Variants in NXNL2 observed in about 807,000 individuals in gnomAD.
The protein encoded by NXNL2 is nucleoredoxin like 2.
In NXNL2, 7 loss-of-function variants were observed where a neutral mutation model predicts 11.1. The observed-to-expected ratio is 0.63, with a 90% confidence interval of 0.36 to 1.18. The LOEUF is 1.18. NXNL2 is among the 50% of genes most tolerant of loss of function. The pLI is 0.02. For missense variants in NXNL2, 233 were observed against 217.7 expected (o/e 1.07, Z -0.44); for synonymous variants, 109 against 101.8 (o/e 1.07, Z -0.42).
At chr9:88,554,059 A>G (rs1417679257) in intron 1 of NXNL2, among the ~76,000 whole-genome samples, 1 of 152,148 alleles carries the variant, frequency 6.6e-6, no homozygotes, top group African/African-American at 2.4e-5. Flanking sequence ...CTGGGCTGAC[A>G]TGAAACTCAT....
chr9:88,564,282 CTATTATCT>C (rs1159667660), intron 1 of NXNL2, among the ~76,000 whole-genome samples: 45 of 106,630 alleles, frequency 4.2e-4, no homozygotes, highest in Middle Eastern at 4.8e-3. Context: ...ATCTATCTAT[CTATTATCT>C]ATCTATCTAT....
At chr9:88,572,099 G>A (rs941834063) in intron 2 of NXNL2, among the ~76,000 whole-genome samples, 14 of 152,168 alleles carry the variant, frequency 9.2e-5, no homozygotes, top group African/African-American at 2.9e-4. Context: ...CCTCCAGACA[G>A]AATGCATCTG....
downstream of NXNL2, chr9:88,545,044 A>G (rs1829829311): frequency 4.6e-6 from 1 of 216,638 alleles, no homozygotes; most frequent in African/African-American, 2.3e-5. Flanking sequence ...TCTCTTGACA[A>G]ATACCATGCT....
chr9:88,563,083 T>C (rs1479094861), intron 1 of NXNL2, among the ~76,000 whole-genome samples: 2 of 152,030 alleles, frequency 1.3e-5, no homozygotes. Context: ...CGAGACTCCA[T>C]CTCAAAAATA....
At chr9:88,545,931 G>A (rs11142338), downstream of NXNL2, among the ~76,000 whole-genome samples, 21,021 of 151,424 alleles carry the variant, frequency 0.14, 4,662 homozygotes, top group African/African-American at 0.47. Context: ...CACGCCCAGC[G>A]AATTTTTGTA....
intron 1 of NXNL2, among the ~76,000 whole-genome samples, chr9:88,563,752 G>A (rs1830121750): frequency 6.6e-6 from 1 of 151,998 alleles, no homozygotes; most frequent in African/African-American, 2.4e-5. Flanking sequence ...TCAAGAGCTT[G>A]TGGCTGGCTA....
At chr9:88,537,131 G>A (rs1294581269) in intron 1 of NXNL2, among the ~76,000 whole-genome samples, 10 of 152,200 alleles carry the variant, frequency 6.6e-5, no homozygotes. Flanking sequence ...GATACATCAC[G>A]TGGTTGTTGT....
chr9:88,546,774 T>G (rs1489784991), downstream of NXNL2, among the ~76,000 whole-genome samples: 1 of 152,178 alleles, frequency 6.6e-6, no homozygotes, highest in Admixed American at 6.5e-5. Flanking sequence ...GGCAAAGTAT[T>G]CCAGCCTTCT....
intron 1 of NXNL2, chr9:88,539,860 G>C (rs367665371): frequency 1.3e-5 from 2 of 151,944 alleles, no homozygotes; most frequent in Non-Finnish European, 2.9e-5. Flanking sequence ...GCTAATTTTC[G>C]TATTTTTAGT....
At chr9:88,553,483 C>T (rs1829970405) in intron 1 of NXNL2, among the ~76,000 whole-genome samples, 1 of 152,334 alleles carries the variant, frequency 6.6e-6, no homozygotes, top group South Asian at 2.1e-4. Context: ...TTCTCCTTGT[C>T]TCTGAACTCC....
Position 88,542,708 on chromosome 9 carries a change from AT to A in NXNL2, c.303-1667del, listed in dbSNP as rs200373623. 5.7e-3 allele frequency among the ~76,000 whole-genome samples: 864 copies of A among 152,216 alleles called. 11 individuals are homozygous for A. Among genetic ancestry groups the A allele is most frequent in the African/African-American group, 0.02 (820 of 41,538 alleles). On this transcript the variant is annotated intron_variant, in intron 1 of 1. Coordinates refer to ENST00000375854, the MANE Select transcript of NXNL2 (RefSeq NM_001161625.2). ...CCTTTGTGACTTGAGAACATGATTG[AT>A]TTTGTCACTGCTTCATAGATGTTTG...
chr9:88,540,159 T>C (rs1320142393), intron 1 of NXNL2, among the ~76,000 whole-genome samples: 1 of 151,884 alleles, frequency 6.6e-6, no homozygotes, highest in East Asian at 2.0e-4. Context: ...GGTGAAACCC[T>C]GTCTCTACTA....
At chr9:88,575,598 G>C (rs1830338953) in exon 3 of NXNL2, 2 of 152,200 alleles carry the variant, frequency 1.3e-5, no homozygotes, top group Admixed American at 1.3e-4. Flanking sequence ...TTGGTTACCA[G>C]AAGCTGGAAA....
At chr9:88,576,833 A>G (rs1330977848), downstream of NXNL2, among the ~76,000 whole-genome samples, 1 of 152,126 alleles carries the variant, frequency 6.6e-6, no homozygotes, top group African/African-American at 2.4e-5. Context: ...AGCACCAGAC[A>G]CAGCCCCTGC....
chr9:88,583,867 A>C (rs1431019121), intron 1 of NXNL2: 3 of 152,234 alleles, frequency 2.0e-5, no homozygotes. Flanking sequence ...ACTTGTCTGC[A>C]AGCCAGGAAG....
chr9:88,550,502 T>TGTA (rs1829915877), intron 1 of NXNL2, among the ~76,000 whole-genome samples: 2 of 152,182 alleles, frequency 1.3e-5, no homozygotes, highest in African/African-American at 4.8e-5. Flanking sequence ...AGAGGTTACA[T>TGTA]GCAAAGTAAT....
chr9:88,574,482 C>T (rs551005324), intron 2 of NXNL2, among the ~76,000 whole-genome samples: 1 of 152,092 alleles, frequency 6.6e-6, no homozygotes, highest in African/African-American at 2.4e-5. Flanking sequence ...AGGGACAACT[C>T]GAAGCAAGGA....
downstream of NXNL2, among the ~76,000 whole-genome samples, chr9:88,546,216 G>T (rs956714382): frequency 2.6e-5 from 4 of 151,406 alleles, no homozygotes; most frequent in African/African-American, 7.3e-5. Context: ...TAGAGAAACG[G>T]CCCTCCTGGT....
chr9:88,559,048 T>A (rs1830053793), intron 1 of NXNL2, among the ~76,000 whole-genome samples: 1 of 152,090 alleles, frequency 6.6e-6, no homozygotes. Context: ...ACTGATACCC[T>A]CTGTGTTTCC....
Sources: gnomAD v4.1 joint callset for allele counts (sites outside exome capture counted in the v4.1 genomes callset) on GRCh38, gnomAD v4.1.1 for gene constraint, MANE v1.5 for transcripts, NCBI Gene and HGNC (gene_info 2026-07-23, HGNC 2026-07-21) for gene names.